GTPBP6: variants seen among roughly 807,000 people sequenced by gnomAD.
The protein encoded by GTPBP6 is GTP binding protein 6, also known as putative GTP-binding protein 6.
Under a neutral mutation model 28.9 loss-of-function variants are expected in GTPBP6, and 33 were observed. The observed-to-expected ratio is 1.14, with a 90% CI of 0.87 to 1.53. The LOEUF (loss-of-function observed/expected upper bound fraction) is 1.53. GTPBP6 is among the 40% of genes most tolerant of loss of function. GTPBP6 has a pLI of 0.00. For synonymous variants in GTPBP6, 231 were observed against 192.7 expected (o/e 1.20, Z -1.65); for missense variants, 507 against 408.3 (o/e 1.24, Z -2.08).
exon 6 of GTPBP6, chrX:312,785 C>G (rs753947974): frequency 6.2e-7 from 1 of 1,612,440 alleles, no homozygotes; most frequent in African/African-American, 1.3e-5. Flanking sequence ...TGTACCCCAC[C>G]ACGGAGATCA....
At chrX:316,209 C>A (rs1269662523) in intron 2 of GTPBP6, among the ~76,000 whole-genome samples, 1 of 24,156 alleles carries the variant, frequency 4.1e-5, no homozygotes, top group Non-Finnish European at 1.1e-4. Flanking sequence ...CACACACAAA[C>A]ACAGTAAACA....
chrX:312,632 T>C (rs2070332500), intron 6 of GTPBP6, 134 bp downstream of exon 6: 2 of 923,096 alleles, frequency 2.2e-6, no homozygotes, highest in South Asian at 1.4e-5. Flanking sequence ...GGGAACCCCC[T>C]CTCCTGGGCA....
chrX:307,750 T>C (rs774814071), exon 8 of GTPBP6: 1 of 1,503,976 alleles, frequency 6.6e-7, no homozygotes, highest in Non-Finnish European at 8.9e-7. Context: ...GAGGTCCACC[T>C]TGTTGTGAAC....
At chrX:314,370 G>C in intron 4 of GTPBP6, 153 bp from the exon 5 acceptor site, 1 of 710,010 alleles carries the variant, frequency 1.4e-6, no homozygotes, top group Middle Eastern at 3.7e-4. Flanking sequence ...CTCACACACT[G>C]TGAGTGACGC....
chrX:314,273 G>C, intron 4 of GTPBP6, 56 bp from the exon 5 acceptor site: 1 of 1,434,400 alleles, frequency 7.0e-7, no homozygotes, highest in Non-Finnish European at 9.8e-7. Context: ...CCTCCCGGCA[G>C]AGGTCGAGGT....
intron 2 of GTPBP6, among the ~76,000 whole-genome samples, chrX:316,458 C>G (rs1403403498): frequency 1.3e-5 from 2 of 152,138 alleles, no homozygotes; most frequent in Non-Finnish European, 2.9e-5. Flanking sequence ...AGCCGACCCC[C>G]ACCTGGGCAA....
In GTPBP6 at chrX:314,531, GGC is replaced by G. The variant is rs1303341131; in HGVS notation, c.690-316_690-315del. ...TCTGTCACCCAGGCTGGAGTGCAGT[GGC>G]GTGATCTCGGCTCACTGCAAGCTCC... On this transcript the variant is annotated intron_variant, in intron 4 of 9. Transcript: ENST00000326153. Among the ~76,000 whole-genome samples the G allele has an allele frequency of 1.7e-3, 256 of 151,660 alleles. 2 individuals carry two copies. Among genetic ancestry groups the G allele is most frequent in the South Asian group, 7.9e-3 (38 of 4,812 alleles).
At chrX:314,502 T>A (rs1190675650) in intron 4 of GTPBP6, among the ~76,000 whole-genome samples, 1 of 148,432 alleles carries the variant, frequency 6.7e-6, no homozygotes, top group Non-Finnish European at 1.5e-5. Flanking sequence ...AGACGGAGTC[T>A]CGCTCTGTCA....
chrX:311,732 C>T (rs750029280), intron 6 of GTPBP6, 105 bp from the exon 7 acceptor site: 37 of 932,878 alleles, frequency 4.0e-5, no homozygotes, highest in African/African-American at 2.3e-4. Context: ...TCTGGGGGGC[C>T]GCACCCCGGG....
chrX:315,362 C>G (rs2070410604), intron 2 of GTPBP6, 63 bp from the exon 3 acceptor site: 1 of 398,438 alleles, frequency 2.5e-6, no homozygotes, highest in African/African-American at 2.1e-5. Flanking sequence ...GTGGGATGAG[C>G]CCACCATACC....
In GTPBP6 at chrX:318,425, C is replaced by T. The variant is rs2070480544; in HGVS notation, c.349+14G>A. On this transcript the variant is annotated intron_variant, in intron 1 of 9. Transcript: ENST00000326153. ...CAGCTCCTGTTTCTCCCCCGAAAGC[C>T]CTGCCGCGGTCACCTCGAGTCATCT... 2 of 398,642 alleles carry T rather than the reference C, an allele frequency of 5.0e-6. No homozygotes were observed. Among genetic ancestry groups the T allele is most frequent in the South Asian group, 1.3e-4 (1 of 7,892 alleles). The allele number at this position is 398,642 out of a possible 1,614,324, so 24.7% of individuals were successfully genotyped here.
rs763094892 is a variant in GTPBP6 at position 305,542 on chromosome X, C to T, written c.1428-345G>A. ...TTCACCGTGTTAGCCAGGATGGTCTCGATCTCCTGACTTCGTGATCCACCC... is the reference window on the plus strand; with the variant it reads ...TTCACCGTGTTAGCCAGGATGGTCTTGATCTCCTGACTTCGTGATCCACCC... On this transcript the variant is annotated intron_variant, in intron 9 of 9. Transcript: ENST00000326153. Among the ~76,000 whole-genome samples the T allele has an allele frequency of 3.3e-5, 5 of 150,822 alleles. No individual in the cohort carries two copies. The East Asian group carries it at 5.9e-4, about 18-fold the overall frequency.
exon 8 of GTPBP6, chrX:307,768 A>G: frequency 6.6e-7 from 1 of 1,526,530 alleles, no homozygotes; most frequent in Non-Finnish European, 8.8e-7. Flanking sequence ...AACCTCCACC[A>G]TGGAGTCCAG....
At chrX:315,620 C>CACACACAGAGACACACACAAACACAGTAA (rs2070418664) in intron 2 of GTPBP6, among the ~76,000 whole-genome samples, 1 of 30,370 alleles carries the variant, frequency 3.3e-5, no homozygotes, top group Non-Finnish European at 8.3e-5. Flanking sequence ...GACACAGACA[C>CACACACAGAGACACACACAAACACAGTAA]ACAGACAGAC....
At chrX:312,524 A>C in intron 6 of GTPBP6, 1 of 687,224 alleles carries the variant, frequency 1.5e-6, no homozygotes, top group Non-Finnish European at 2.7e-6. Flanking sequence ...GGTAGATGAC[A>C]TCCTCACCTT....
chrX:307,394 T>C lies in GTPBP6; in HGVS notation c.1393A>G (p.Thr465Ala), dbSNP rs2070193463. The change falls in exon 9 of 10, where the codon ACT (threonine) becomes GCT (alanine). Residue 465 changes from threonine to alanine, a missense_variant. Thr to Ala is a moderately conservative substitution (Grantham distance 58). Transcript: ENST00000326153. Reference sequence around the variant, plus strand: ...GCCCCTGCGAGCCTCACACGGAGAGTGAGGATCTGTCTCCCCGTCGCCTTC... The same window carrying C: ...GCCCCTGCGAGCCTCACACGGAGAGCGAGGATCTGTCTCCCCGTCGCCTTC... 4 of 1,612,124 alleles carry C rather than the reference T, an allele frequency of 2.5e-6. No individual in the cohort carries two copies. In the Admixed American group the frequency reaches 5.0e-5, roughly 20 times the overall value.
intron 6 of GTPBP6, 79 bp downstream of exon 6, chrX:312,687 A>G (rs1569352025): frequency 7.1e-7 from 1 of 1,416,580 alleles, no homozygotes; most frequent in Admixed American, 1.8e-5. Flanking sequence ...GACGACAGGG[A>G]CCCCCTGCCC....
intron 7 of GTPBP6, among the ~76,000 whole-genome samples, chrX:309,509 C>G (rs1374958859): frequency 6.6e-6 from 1 of 152,120 alleles, no homozygotes; most frequent in Non-Finnish European, 1.5e-5. Context: ...AGAAGGGGAC[C>G]TTGCTTGGAA....
At chrX:317,543 T>C (rs2070459492) in intron 1 of GTPBP6, among the ~76,000 whole-genome samples, 1 of 108,434 alleles carries the variant, frequency 9.2e-6, no homozygotes, top group Non-Finnish European at 1.7e-5. Flanking sequence ...CTTATTCATT[T>C]GCATTTCCTC....
Sources: allele counts gnomAD v4.1 joint callset (sites outside exome capture counted in the v4.1 genomes callset), GRCh38; gene constraint gnomAD v4.1.1; transcripts MANE v1.5; gene names NCBI Gene and HGNC (gene_info 2026-07-23, HGNC 2026-07-21).